Variants in TXLNG observed in about 807,000 individuals in gnomAD.
TXLNG encodes the protein taxilin gamma, also known as gamma-taxilin.
A neutral mutation model predicts 38.8 loss-of-function variants in TXLNG; 5 were observed. The observed-to-expected ratio is 0.13, with a 90% CI of 0.07 to 0.27. The LOEUF is 0.27. Among genes scored for constraint, TXLNG ranks in the 10% least tolerant of loss-of-function variants. TXLNG has a pLI of 1.00. For missense variants in TXLNG, 393 were observed against 398.2 expected (o/e 0.99, Z 0.11); for synonymous variants, 182 against 158.2 (o/e 1.15, Z -1.13).
chrX:16,813,271 A>G (rs1352998429), intron 1 of TXLNG, among the ~76,000 whole-genome samples: 1 of 111,384 alleles, frequency 9.0e-6, no homozygotes, highest in African/African-American at 3.3e-5. Flanking sequence ...GGATGGCTAT[A>G]AAAAAATAAT....
chrX:16,816,215 T>G (rs1928739581), intron 1 of TXLNG, among the ~76,000 whole-genome samples: 1 of 109,950 alleles, frequency 9.1e-6, no homozygotes, highest in Non-Finnish European at 1.9e-5. Flanking sequence ...AGGCTGGTCT[T>G]GAACTCCTGA....
chrX:16,802,928 C>G (rs1335829281), intron 1 of TXLNG, among the ~76,000 whole-genome samples: 1 of 106,371 alleles, frequency 9.4e-6, no homozygotes, highest in Non-Finnish European at 1.9e-5. Context: ...TCAAGCAATT[C>G]CCTGCCTCAG....
At chrX:16,836,544 T>C (rs1030593844) in intron 7 of TXLNG, among the ~76,000 whole-genome samples, 3 of 112,282 alleles carry the variant, frequency 2.7e-5, no homozygotes, top group Non-Finnish European at 3.8e-5. Context: ...TAACTTTCAG[T>C]TGGCTTCTGC....
intron 9 of TXLNG, 101 bp downstream of exon 9, chrX:16,840,017 C>G: frequency 1.6e-6 from 1 of 622,461 alleles, no homozygotes; most frequent in Middle Eastern, 3.4e-4. Context: ...ACACTACTAC[C>G]ATAGTTGAGG....
chrX:16,804,062 C>T (rs1450831258), intron 1 of TXLNG, among the ~76,000 whole-genome samples: 3 of 112,080 alleles, frequency 2.7e-5, no homozygotes, highest in Non-Finnish European at 3.8e-5. Context: ...AATAATTCTT[C>T]ATTTCCAACT....
intron 1 of TXLNG, among the ~76,000 whole-genome samples, chrX:16,810,309 T>A (rs775487399): frequency 1.8e-5 from 2 of 112,290 alleles, no homozygotes; most frequent in African/African-American, 6.5e-5. Flanking sequence ...GAAATTGTAC[T>A]GGGCATATGA....
chrX:16,841,725 C>T lies in TXLNG; in HGVS notation c.1546C>T (p.Pro516Ser). The T allele has an allele frequency of 1.7e-6, 2 of 1,211,780 alleles. No homozygotes were observed. Among genetic ancestry groups the T allele is most frequent in the Non-Finnish European group, 2.2e-6 (2 of 895,506 alleles). The change falls in exon 10 of 10, where the codon CCG becomes TCG. Residue 516 changes from proline (P) to serine (S), a missense_variant. Physicochemically the swap from Pro to Ser is moderately conservative, Grantham distance 74. Coordinates refer to ENST00000380122, the MANE Select transcript of TXLNG (RefSeq NM_018360.3). ...KSQRSAVQKPPSTGSAPAIES... is the reference protein window; with the variant it reads ...KSQRSAVQKPSSTGSAPAIES... ...TCAGAGAAGCGCTGTGCAAAAGCCC[C>T]CGTCCACAGGCTCTGCTCCGGCCAT...
At position 16,841,837 on chromosome X, in the gene TXLNG, G is replaced by C. The variant is rs1040727032; in HGVS notation, c.*71G>C. 6.6e-6 allele frequency: 7 copies of C among 1,068,375 alleles called. No homozygotes were observed. In the African/African-American group the frequency reaches 1.1e-4, roughly 17 times the overall value. 88.0% of individuals were successfully genotyped at this position (1,068,375 alleles called of 1,213,427 possible). On this transcript the variant is annotated 3_prime_UTR_variant, in exon 10 of 10. Transcript: ENST00000380122. ...TTTCTCTGTTAGTAGTTAACTATTG[G>C]TTTTGTGGTGAAAATTTTCTTACTT... is the stretch of plus-strand genomic sequence containing the variant.
rs2291126 is a variant in TXLNG, at chrX:16,837,315, C to T, written c.1060-278C>T. On this transcript the variant is annotated intron_variant, in intron 7 of 9. Coordinates refer to ENST00000380122, the MANE Select transcript of TXLNG (RefSeq NM_018360.3). ...GGAGAGGGGTAGTTGGGCGAGCACT[C>T]CACATGCATGACGTTTATAGTCACC... is the stretch of plus-strand genomic sequence containing the variant. Among the ~76,000 whole-genome samples the T allele has an allele frequency of 1.3e-4, 14 of 111,731 alleles. No individual in the cohort carries two copies. In the East Asian group the frequency reaches 3.7e-3, roughly 29 times the overall value.
At chrX:16,821,925 C>A (rs1004719088) in intron 3 of TXLNG, among the ~76,000 whole-genome samples, 5 of 109,355 alleles carry the variant, frequency 4.6e-5, no homozygotes, top group African/African-American at 1.7e-4. Context: ...ACCCGGGAGG[C>A]AGAGCTTGCA....
intron 1 of TXLNG, among the ~76,000 whole-genome samples, chrX:16,816,127 C>T (rs1170180038): frequency 1.7e-4 from 18 of 106,415 alleles, no homozygotes; most frequent in African/African-American, 5.5e-4. Context: ...AGTGCAGTGG[C>T]GCGATATCGG....
intron 6 of TXLNG, 131 bp from the exon 7 acceptor site, chrX:16,834,152 A>T (rs1929509495): frequency 1.7e-5 from 8 of 476,779 alleles, no homozygotes; most frequent in Non-Finnish European, 2.8e-5. Context: ...CAATTTGTGG[A>T]ACAGACTGTT....
chrX:16,837,516 A>G (rs1242620736), intron 7 of TXLNG, 77 bp from the exon 8 acceptor site: 1 of 706,715 alleles, frequency 1.4e-6, no homozygotes, highest in Non-Finnish European at 2.1e-6. Flanking sequence ...AAGTAACCAT[A>G]CTACGTTCTT....
chrX:16,790,533 T>C (rs938836384), intron 1 of TXLNG, among the ~76,000 whole-genome samples: 1 of 111,499 alleles, frequency 9.0e-6, no homozygotes, highest in Non-Finnish European at 1.9e-5. Context: ...AGTTTTGCCT[T>C]TTCCAGCTTG....
chrX:16,786,686 G>T, intron 1 of TXLNG, 97 bp downstream of exon 1: 1 of 402,735 alleles, frequency 2.5e-6, no homozygotes, highest in Admixed American at 9.4e-5. Context: ...GTTACCTATA[G>T]CCACGGGACG....
At chrX:16,824,621 A>G (rs1016040274) in intron 3 of TXLNG, among the ~76,000 whole-genome samples, 1 of 110,605 alleles carries the variant, frequency 9.0e-6, no homozygotes, top group African/African-American at 3.3e-5. Flanking sequence ...GATGCCCTGA[A>G]AAAAAGTGAG....
At chrX:16,813,997 A>G (rs1928636249) in intron 1 of TXLNG, among the ~76,000 whole-genome samples, 1 of 111,197 alleles carries the variant, frequency 9.0e-6, no homozygotes, top group Non-Finnish European at 1.9e-5. Flanking sequence ...GAGGCAGGAG[A>G]ATGGCGTGAA....
At chrX:16,809,060 T>C (rs972236149) in intron 1 of TXLNG, among the ~76,000 whole-genome samples, 11 of 111,888 alleles carry the variant, frequency 9.8e-5, no homozygotes, top group African/African-American at 3.6e-4. Flanking sequence ...TTTTCAGTTA[T>C]CCATTTATCT....
intron 1 of TXLNG, among the ~76,000 whole-genome samples, chrX:16,794,749 G>C (rs1477731599): frequency 1.8e-5 from 2 of 111,629 alleles, no homozygotes; most frequent in East Asian, 5.6e-4. Context: ...CTAAGAGTCT[G>C]TGGCTTAAAG....
Sources: allele counts gnomAD v4.1 joint callset (sites outside exome capture counted in the v4.1 genomes callset), GRCh38; gene constraint gnomAD v4.1.1; transcripts MANE v1.5; gene names NCBI Gene and HGNC (gene_info 2026-07-23, HGNC 2026-07-21).